The following SAMMSON variants were observed in gnomAD, a reference collection of about 807,000 sequenced individuals.
The protein encoded by SAMMSON is survival associated mitochondrial melanoma specific oncogenic non-coding RNA.
intron 9 of SAMMSON, among the ~76,000 whole-genome samples, chr3:70,371,665 A>AT (rs368053176): frequency 1.9e-3 from 291 of 151,870 alleles, no homozygotes; most frequent in Middle Eastern, 6.8e-3. Flanking sequence ...AATGCTATTG[A>AT]TTTTTTTCAT....
At chr3:70,330,376 A>G (rs1159734851) in intron 7 of SAMMSON, among the ~76,000 whole-genome samples, 3 of 152,030 alleles carry the variant, frequency 2.0e-5, no homozygotes, top group Non-Finnish European at 4.4e-5. Context: ...GAAAAGTGAA[A>G]TGAGCTACTA....
At chr3:70,236,622 G>T (rs1350392291) in intron 4 of SAMMSON, among the ~76,000 whole-genome samples, 2 of 152,030 alleles carry the variant, frequency 1.3e-5, no homozygotes, top group Non-Finnish European at 2.9e-5. Flanking sequence ...CTGAGACAGG[G>T]TCTCACTCTG....
intron 4 of SAMMSON, among the ~76,000 whole-genome samples, chr3:70,164,534 C>T (rs2067628922): frequency 1.3e-5 from 2 of 152,078 alleles, no homozygotes; most frequent in South Asian, 4.1e-4. Context: ...ATTTGAAGAC[C>T]AGCAAAATTT....
intron 3 of SAMMSON, among the ~76,000 whole-genome samples, chr3:70,043,688 A>G (rs1391608798): frequency 6.6e-6 from 1 of 152,150 alleles, no homozygotes; most frequent in African/African-American, 2.4e-5. Flanking sequence ...CTGATAGACT[A>G]CATTATCCTG....
At chr3:70,403,143 G>A (rs1292613658) in intron 2 of SAMMSON, among the ~76,000 whole-genome samples, 1 of 152,070 alleles carries the variant, frequency 6.6e-6, no homozygotes, top group Non-Finnish European at 1.5e-5. Context: ...TTTGCATAAT[G>A]AGCAATGAAA....
At chr3:70,410,884 A>C (rs1701212725) in intron 2 of SAMMSON, among the ~76,000 whole-genome samples, 3 of 152,180 alleles carry the variant, frequency 2.0e-5, no homozygotes, top group Admixed American at 1.3e-4. Flanking sequence ...CTTTTCACTG[A>C]AACCCATAAG....
chr3:70,178,434 G>A (rs1262974407), intron 4 of SAMMSON, among the ~76,000 whole-genome samples: 1 of 152,142 alleles, frequency 6.6e-6, no homozygotes, highest in Admixed American at 6.5e-5. Flanking sequence ...AATATAGCAA[G>A]CCTCATAATT....
intron 4 of SAMMSON, among the ~76,000 whole-genome samples, chr3:70,216,023 A>G (rs1701406423): frequency 6.6e-6 from 1 of 152,120 alleles, no homozygotes; most frequent in Admixed American, 6.6e-5. Context: ...AACTGTGAAA[A>G]TACAAAAAGA....
At chr3:70,116,995 C>T (rs1010486686) in intron 4 of SAMMSON, among the ~76,000 whole-genome samples, 2 of 152,102 alleles carry the variant, frequency 1.3e-5, no homozygotes. Context: ...TTTGAAGAAA[C>T]GCAAAATCTC....
At chr3:70,078,911 A>C (rs1345680269) in intron 4 of SAMMSON, among the ~76,000 whole-genome samples, 1 of 152,238 alleles carries the variant, frequency 6.6e-6, no homozygotes, top group African/African-American at 2.4e-5. Context: ...AATCACATCT[A>C]TAACAGATGT....
chr3:70,012,805 G>T (rs992185675), intron 2 of SAMMSON, among the ~76,000 whole-genome samples: 3 of 152,124 alleles, frequency 2.0e-5, no homozygotes, highest in African/African-American at 7.2e-5. Flanking sequence ...AGGCTTTGCT[G>T]TGGCAAAGTT....
chr3:70,165,613 G>A (rs1463111217), intron 4 of SAMMSON, among the ~76,000 whole-genome samples: 2 of 151,926 alleles, frequency 1.3e-5, no homozygotes, highest in African/African-American at 4.8e-5. Flanking sequence ...TACTCCCAAT[G>A]ACCTAAGACA....
At chr3:70,046,549 A>G (rs999680246) in intron 3 of SAMMSON, among the ~76,000 whole-genome samples, 1 of 152,126 alleles carries the variant, frequency 6.6e-6, no homozygotes, top group African/African-American at 2.4e-5. Context: ...ACAAATTAAT[A>G]CTTACCTTGA....
chr3:70,000,536 T>A (rs1576090266), intron 1 of SAMMSON, among the ~76,000 whole-genome samples: 1 of 152,226 alleles, frequency 6.6e-6, no homozygotes, highest in South Asian at 2.1e-4. Flanking sequence ...CAAGACGTTA[T>A]GCCAAATGTA....
chr3:70,236,850 G>A (rs1701614842), intron 4 of SAMMSON, among the ~76,000 whole-genome samples: 1 of 152,140 alleles, frequency 6.6e-6, no homozygotes, highest in Non-Finnish European at 1.5e-5. Context: ...CCCTGCCTCA[G>A]CCTCCCAAGG....
At chr3:70,427,682 G>C (rs1701382259) in intron 2 of SAMMSON, among the ~76,000 whole-genome samples, 1 of 150,158 alleles carries the variant, frequency 6.7e-6, no homozygotes, top group Non-Finnish European at 1.5e-5. Context: ...AGCTTGCAGT[G>C]AGTCGAGATC....
chr3:70,415,011 A>C (rs1701251544), intron 2 of SAMMSON, among the ~76,000 whole-genome samples: 1 of 152,124 alleles, frequency 6.6e-6, no homozygotes, highest in Non-Finnish European at 1.5e-5. Context: ...TATAGAGAAA[A>C]GCTGAAAAGA....
intron 3 of SAMMSON, among the ~76,000 whole-genome samples, chr3:70,042,885 A>G (rs957755015): frequency 2.0e-5 from 3 of 152,122 alleles, no homozygotes; most frequent in Non-Finnish European, 4.4e-5. Context: ...GTGAGCTGTT[A>G]TTACTAGAAA....
chr3:70,054,881 G>A (rs1256008975), intron 3 of SAMMSON, among the ~76,000 whole-genome samples: 4 of 151,982 alleles, frequency 2.6e-5, no homozygotes, highest in African/African-American at 9.7e-5. Flanking sequence ...TAATTTTTCA[G>A]GAGAAGTCAG....
Sources: gnomAD v4.1 joint callset for allele counts (sites outside exome capture counted in the v4.1 genomes callset) on GRCh38, gnomAD v4.1.1 for gene constraint, MANE v1.5 for transcripts, NCBI Gene and HGNC (gene_info 2026-07-23, HGNC 2026-07-21) for gene names.